PCLO: variants seen among roughly 807,000 people sequenced by gnomAD.
PCLO encodes protein piccolo.
In PCLO, 82 loss-of-function variants were observed where a neutral mutation model predicts 427.5. That is an observed-to-expected ratio of 0.19 (90% CI 0.16 to 0.23). PCLO has a LOEUF of 0.23. PCLO is among the 10% of genes least tolerant of loss of function. The pLI, the probability that PCLO is intolerant of heterozygous loss-of-function variation, is 1.00. For missense variants in PCLO, 6,239 were observed against 6,115.9 expected (o/e 1.02, Z -0.67); for synonymous variants, 2,357 against 2,155.4 (o/e 1.09, Z -2.59).
chr7:83,010,439 A>G (rs1427273091), intron 3 of PCLO, among the ~76,000 whole-genome samples: 1 of 151,794 alleles, frequency 6.6e-6, no homozygotes, highest in Non-Finnish European at 1.5e-5. Context: ...TTGACATCCA[A>G]TTCAGGAAAA....
chr7:83,067,359 T>G (rs1287377113), intron 3 of PCLO, among the ~76,000 whole-genome samples: 1 of 152,216 alleles, frequency 6.6e-6, no homozygotes, highest in Non-Finnish European at 1.5e-5. Context: ...TTATCCATAT[T>G]TCAGAGACTT....
chr7:82,880,445 T>C (rs1241221788), intron 9 of PCLO: 6 of 406,002 alleles, frequency 1.5e-5, no homozygotes, highest in Admixed American at 1.3e-4. Context: ...GGTCTCACTA[T>C]GTTGTCCAAG....
chr7:82,964,060 C>A (rs1482224937), intron 4 of PCLO, among the ~76,000 whole-genome samples: 2 of 152,068 alleles, frequency 1.3e-5, no homozygotes, highest in Non-Finnish European at 2.9e-5. Context: ...CCCTAGAAAA[C>A]ATTTACCTGA....
At chr7:83,148,388 T>C (rs1042679337) in intron 2 of PCLO, among the ~76,000 whole-genome samples, 1 of 152,226 alleles carries the variant, frequency 6.6e-6, no homozygotes, top group African/African-American at 2.4e-5. Flanking sequence ...CCATATGTTT[T>C]ATTTATTTAT....
chr7:82,835,429 AT>A (rs1792209319), intron 16 of PCLO, among the ~76,000 whole-genome samples: 1 of 151,990 alleles, frequency 6.6e-6, no homozygotes, highest in Non-Finnish European at 1.5e-5. Context: ...TATTTTTTTC[AT>A]TGTTTCTATG....
chr7:82,964,830 T>C (rs1795728929), intron 4 of PCLO, among the ~76,000 whole-genome samples: 1 of 152,208 alleles, frequency 6.6e-6, no homozygotes, highest in Admixed American at 6.5e-5. Context: ...CAATGTGTGA[T>C]GCATCAGATA....
At chr7:83,060,028 T>C (rs1321579817) in intron 3 of PCLO, among the ~76,000 whole-genome samples, 1 of 152,184 alleles carries the variant, frequency 6.6e-6, no homozygotes, top group Non-Finnish European at 1.5e-5. Flanking sequence ...GCAGTTTAAA[T>C]TATGTTTCCT....
At chr7:83,006,828 G>C (rs546896826) in intron 3 of PCLO, among the ~76,000 whole-genome samples, 2 of 151,304 alleles carry the variant, frequency 1.3e-5, no homozygotes, top group South Asian at 4.2e-4. Flanking sequence ...TTAAGTCTTT[G>C]CTCAAATATT....
chr7:82,959,969 T>TA (rs1458868773), intron 4 of PCLO, among the ~76,000 whole-genome samples: 1 of 152,158 alleles, frequency 6.6e-6, no homozygotes, highest in East Asian at 1.9e-4. Flanking sequence ...CATGGTGGTG[T>TA]ATCTTGAGGC....
At chr7:83,130,799 TA>T (rs1030788336) in intron 3 of PCLO, among the ~76,000 whole-genome samples, 2 of 152,192 alleles carry the variant, frequency 1.3e-5, no homozygotes, top group Non-Finnish European at 2.9e-5. Flanking sequence ...GGTCTTATCT[TA>T]AAAGACTCAT....
chr7:82,913,569 A>C (rs999138674), intron 7 of PCLO, among the ~76,000 whole-genome samples: 4 of 151,996 alleles, frequency 2.6e-5, no homozygotes, highest in African/African-American at 9.7e-5. Context: ...AAAAGGACCA[A>C]GAGTCAAGAG....
rs1282185718 is a variant in PCLO at position 82,757,776 on chromosome 7, C to G, written c.*799G>C. 6.6e-6 allele frequency: 1 copy of G among 151,720 alleles called. No individual in the cohort carries two copies. The highest frequency in any genetic ancestry group is 1.5e-5 in the Non-Finnish European group (1 of 67,810). The allele number at this position is 151,720 out of a possible 1,614,324, so 9.4% of individuals were successfully genotyped here. On this transcript the variant is annotated 3_prime_UTR_variant, in exon 25 of 25. Transcript: ENST00000333891. ...TTATGAAGATTTTGATGGTTTCAAC[C>G]AAAATTCCAATATTTTATGGGGCAA...
chr7:83,034,100 ATC>A, intron 3 of PCLO, among the ~76,000 whole-genome samples: 1 of 152,336 alleles, frequency 6.6e-6, no homozygotes, highest in South Asian at 2.1e-4. Context: ...AATCAAAAAC[ATC>A]TCTTACTATA....
intron 2 of PCLO, 141 bp downstream of exon 2, chr7:83,154,607 G>T: frequency 1.5e-6 from 1 of 664,326 alleles, no homozygotes. Context: ...ATTACAACTG[G>T]CAGAAAACAA....
At chr7:83,007,595 T>G (rs1476858163) in intron 3 of PCLO, among the ~76,000 whole-genome samples, 1 of 151,620 alleles carries the variant, frequency 6.6e-6, no homozygotes, top group South Asian at 2.1e-4. Flanking sequence ...GATATCCATT[T>G]CTTATTAACT....
intron 22 of PCLO, among the ~76,000 whole-genome samples, chr7:82,783,216 C>G (rs910314247): frequency 6.6e-6 from 1 of 152,300 alleles, no homozygotes; most frequent in Non-Finnish European, 1.5e-5. Flanking sequence ...AGTATGGCCA[C>G]CAGTAAACAT....
At position 83,162,731 on chromosome 7, in the gene PCLO, C is replaced by A. The variant is rs1231771023; in HGVS notation, c.-139G>T. On this transcript the variant is annotated 5_prime_UTR_variant, in exon 1 of 25. Coordinates refer to ENST00000333891, the MANE Select transcript of PCLO (RefSeq NM_033026.6). ...CCGAGTCCCTGGACTCTGGACCAGG[C>A]ACTGCCGCCCGGAACGCCAGGCAGG... is the stretch of plus-strand genomic sequence containing the variant. The A allele has an allele frequency of 1.1e-5, 12 of 1,119,578 alleles. No homozygotes were observed. Among genetic ancestry groups the A allele is most frequent in the African/African-American group, 1.6e-5 (1 of 62,812 alleles). 69.4% of individuals were successfully genotyped at this position (1,119,578 alleles called of 1,614,324 possible). A position where few individuals can be genotyped will look rare whatever the true frequency, so the allele number is the denominator to read the frequency against.
chr7:82,986,558 A>C (rs918401144), intron 3 of PCLO, among the ~76,000 whole-genome samples: 4 of 151,798 alleles, frequency 2.6e-5, no homozygotes, highest in Non-Finnish European at 5.9e-5. Context: ...CCTGTTTTTC[A>C]CTTTGTATTA....
chr7:83,080,895 G>C (rs766854359), intron 3 of PCLO, among the ~76,000 whole-genome samples: 1 of 151,422 alleles, frequency 6.6e-6, no homozygotes, highest in Non-Finnish European at 1.5e-5. Flanking sequence ...TTATAAATTA[G>C]GCATGGTAAG....
Sources: allele counts gnomAD v4.1 joint callset (sites outside exome capture counted in the v4.1 genomes callset), GRCh38; gene constraint gnomAD v4.1.1; transcripts MANE v1.5; gene names NCBI Gene and HGNC (gene_info 2026-07-23, HGNC 2026-07-21).